FHIT: variants seen among roughly 807,000 people sequenced by gnomAD.
The protein encoded by FHIT is bis(5'-adenosyl)-triphosphatase.
In FHIT, 19 loss-of-function variants were observed where a neutral mutation model predicts 17.9. The observed-to-expected ratio is 1.06, with a 90% confidence interval of 0.74 to 1.56. The LOEUF (loss-of-function observed/expected upper bound fraction) is 1.56. Among genes scored for constraint, FHIT ranks in the 40% most tolerant of loss-of-function variants. The pLI is 0.00. For synonymous variants in FHIT, 81 were observed against 69.7 expected, an observed-to-expected ratio of 1.16 and a Z score of -0.81; for missense variants, 248 against 189.2, an observed-to-expected ratio of 1.31 and a Z score of -1.82.
rs1195716692 is a variant in FHIT at position 60,736,513 on chromosome 3, CATT to C, written c.-18+85403_-18+85405del. On this transcript the variant is annotated intron_variant, in intron 4 of 9. Transcript: ENST00000492590. The stretch of plus-strand genomic sequence containing the variant: ...TCACAACATGGATGAGCCTTGAAAA[CATT>C]ATGCTATGTGAGAAAAGCTAGTCAC... 2.6e-5 allele frequency among the ~76,000 whole-genome samples: 4 copies of C among 152,262 alleles called. No homozygotes were observed. The East Asian group carries it at 7.7e-4, about 29-fold the overall frequency.
chr3:61,013,084 T>A (rs1381022801), intron 3 of FHIT, among the ~76,000 whole-genome samples: 1 of 152,114 alleles, frequency 6.6e-6, no homozygotes, highest in Non-Finnish European at 1.5e-5. Context: ...AGCCAGAAAT[T>A]ATATTCTTTG....
chr3:60,102,922 T>C (rs1244597712), intron 5 of FHIT, among the ~76,000 whole-genome samples: 1 of 152,222 alleles, frequency 6.6e-6, no homozygotes, highest in Non-Finnish European at 1.5e-5. Context: ...ATACATGCCA[T>C]GCATTTGCGA....
At chr3:59,814,776 C>T (rs560012264) in intron 8 of FHIT, among the ~76,000 whole-genome samples, 2 of 152,320 alleles carry the variant, frequency 1.3e-5, no homozygotes, top group Non-Finnish European at 2.9e-5. Context: ...GGCCCTTTCC[C>T]TTTGGACTTT....
At chr3:60,532,798 C>T (rs1350366614) in intron 5 of FHIT, among the ~76,000 whole-genome samples, 6 of 152,102 alleles carry the variant, frequency 3.9e-5, no homozygotes. Flanking sequence ...TTTGACAGTT[C>T]TTTTTCTTTC....
At chr3:60,918,206 CAG>C (rs1160832549) in intron 3 of FHIT, among the ~76,000 whole-genome samples, 2 of 152,192 alleles carry the variant, frequency 1.3e-5, no homozygotes, top group African/African-American at 4.8e-5. Context: ...CTTCCCCAGC[CAG>C]GTGAAACTGT....
rs550506191 is a variant in FHIT, at chr3:60,812,360, G to A, written c.-18+9559C>T. On this transcript the variant is annotated intron_variant, in intron 4 of 9. Transcript: ENST00000492590. ...TTTTTAGTAGAGATGGAGTTTCATC[G>A]TGTTGCCCAAGCTGGTCTCGAACTC... is the stretch of plus-strand genomic sequence containing the variant. Among the ~76,000 whole-genome samples the A allele has an allele frequency of 2.0e-4, 31 of 151,838 alleles. No homozygotes were observed. In the East Asian group the frequency reaches 3.5e-3, roughly 17 times the overall value.
intron 5 of FHIT, among the ~76,000 whole-genome samples, chr3:60,084,146 T>C (rs562226029): frequency 3.7e-4 from 56 of 152,272 alleles, no homozygotes; most frequent in African/African-American, 1.3e-3. Flanking sequence ...AGGATAATAC[T>C]GAAAGGTTCA....
chr3:60,864,968 C>G (rs539421366), intron 3 of FHIT, among the ~76,000 whole-genome samples: 7 of 151,950 alleles, frequency 4.6e-5, no homozygotes, highest in African/African-American at 7.2e-5. Flanking sequence ...TATCCACAAC[C>G]ACAGAGACAC....
intron 2 of FHIT, among the ~76,000 whole-genome samples, chr3:61,076,686 G>T (rs1011718324): frequency 1.3e-5 from 2 of 152,124 alleles, no homozygotes; most frequent in African/African-American, 4.8e-5. Context: ...ACAATACCAT[G>T]AGCTAGAAAT....
chr3:60,038,685 G>C (rs886779776), intron 5 of FHIT, among the ~76,000 whole-genome samples: 1 of 116,598 alleles, frequency 8.6e-6, no homozygotes, highest in African/African-American at 3.5e-5. Context: ...AGCTGAAAAA[G>C]TTGCTCGCTA....
intron 1 of FHIT, among the ~76,000 whole-genome samples, chr3:61,239,792 TTCTAAACA>T (rs2040330767): frequency 7.0e-6 from 1 of 143,644 alleles, no homozygotes; most frequent in African/African-American, 2.7e-5. Context: ...TATACACAAA[TTCTAAACA>T]ATACTACTCA....
chr3:60,993,394 C>G (rs1208033732), intron 3 of FHIT, among the ~76,000 whole-genome samples: 1 of 152,206 alleles, frequency 6.6e-6, no homozygotes, highest in Admixed American at 6.5e-5. Flanking sequence ...TTATTGCACA[C>G]TTTACTGCAT....
chr3:59,782,878 G>C (rs1224847352), intron 8 of FHIT, among the ~76,000 whole-genome samples: 2 of 152,074 alleles, frequency 1.3e-5, no homozygotes, highest in African/African-American at 4.8e-5. Flanking sequence ...TTCTGGGCAG[G>C]CTTGGAAACT....
intron 5 of FHIT, among the ~76,000 whole-genome samples, chr3:60,492,575 C>A (rs1192882612): frequency 2.7e-5 from 4 of 147,186 alleles, no homozygotes; most frequent in African/African-American, 1.0e-4. Flanking sequence ...GGTGTGATCT[C>A]GGCTCACTGC....
intron 8 of FHIT, among the ~76,000 whole-genome samples, chr3:59,812,979 C>A (rs1474901634): frequency 6.6e-6 from 1 of 152,040 alleles, no homozygotes; most frequent in African/African-American, 2.4e-5. Context: ...ATTCCGTGCC[C>A]CTGGGTTTAA....
chr3:60,322,650 C>T (rs1375043605), intron 5 of FHIT, among the ~76,000 whole-genome samples: 2 of 152,190 alleles, frequency 1.3e-5, no homozygotes, highest in African/African-American at 4.8e-5. Flanking sequence ...AGCCACCTTT[C>T]TTTGAAACCT....
At chr3:60,742,444 C>T (rs2042258697) in intron 4 of FHIT, among the ~76,000 whole-genome samples, 1 of 152,126 alleles carries the variant, frequency 6.6e-6, no homozygotes, top group East Asian at 1.9e-4. Context: ...CTGTCCATTT[C>T]TCCTGATTAA....
intron 4 of FHIT, among the ~76,000 whole-genome samples, chr3:60,667,715 GA>G (rs2040413002): frequency 7.1e-6 from 1 of 141,716 alleles, no homozygotes; most frequent in South Asian, 2.4e-4. Context: ...ATTATGATAG[GA>G]GAGACTAGGT....
intron 5 of FHIT, among the ~76,000 whole-genome samples, chr3:60,094,858 AGAC>A (rs1050331071): frequency 1.3e-5 from 2 of 152,266 alleles, no homozygotes; most frequent in African/African-American, 4.8e-5. Flanking sequence ...AGAAAAAAAA[AGAC>A]AACACTGCAA....
Sources: allele counts gnomAD v4.1 joint callset (sites outside exome capture counted in the v4.1 genomes callset), GRCh38; gene constraint gnomAD v4.1.1; transcripts MANE v1.5; gene names NCBI Gene and HGNC (gene_info 2026-07-23, HGNC 2026-07-21).